MUC13: variants seen among roughly 807,000 people sequenced by gnomAD.
MUC13 encodes mucin 13, cell surface associated, also known as mucin-13.
In MUC13, 32 loss-of-function variants were observed where a neutral mutation model predicts 48.3. The ratio of observed to expected loss-of-function variants is 0.66; its 90% CI spans 0.50 to 0.89. The LOEUF (loss-of-function observed/expected upper bound fraction) is 0.89. Ranked by LOEUF, MUC13 falls within the 40% of genes least tolerant of loss-of-function variation. MUC13 has a pLI of 0.00. For synonymous variants in MUC13, 199 were observed against 224.9 expected (o/e 0.88, Z 1.03); for missense variants, 571 against 622.8 (o/e 0.92, Z 0.88).
chr3:124,933,640 C>T (rs1935832629), intron 1 of MUC13, among the ~76,000 whole-genome samples: 1 of 152,194 alleles, frequency 6.6e-6, no homozygotes, highest in African/African-American at 2.4e-5. Context: ...TCTTCCATAA[C>T]TTGTTTTACC....
At chr3:124,927,414 C>G in intron 2 of MUC13, 118 bp downstream of exon 2, 1 of 919,408 alleles carries the variant, frequency 1.1e-6, no homozygotes, top group Non-Finnish European at 1.7e-6. Context: ...AGTTCATTTC[C>G]AAAGAAACCT....
At chr3:124,928,884 T>C (rs1238515878) in intron 1 of MUC13, among the ~76,000 whole-genome samples, 1 of 152,208 alleles carries the variant, frequency 6.6e-6, no homozygotes, top group Non-Finnish European at 1.5e-5. Context: ...ATTTTTTCAT[T>C]ACCTTGATAG....
chr3:124,923,932 C>T (rs1396129678), intron 2 of MUC13, among the ~76,000 whole-genome samples: 2 of 152,190 alleles, frequency 1.3e-5, no homozygotes, highest in African/African-American at 4.8e-5. Context: ...TTGCAGTCTT[C>T]TGACTCCAAG....
chr3:124,931,339 G>A lies in MUC13; in HGVS notation c.52+3322C>T, dbSNP rs574664223. ...CCAACTACTTGGGAGGCTGAGACAG[G>A]AGAATTGGTTGAACCCAGGAGGCAG... On this transcript the variant is annotated intron_variant, in intron 1 of 11. Transcript: ENST00000616727. Among the ~76,000 whole-genome samples the A allele has an allele frequency of 1.8e-4, 28 of 151,528 alleles. 1 individual carries two copies. The highest frequency in any genetic ancestry group is 6.8e-4 in the African/African-American group (28 of 41,316).
chr3:124,933,113 G>A (rs1381765499), intron 1 of MUC13, among the ~76,000 whole-genome samples: 1 of 152,018 alleles, frequency 6.6e-6, no homozygotes, highest in Non-Finnish European at 1.5e-5. Context: ...CTCCCCTCCT[G>A]TGCAGCTAGC....
Position 124,922,287 on chromosome 3 carries a change from C to T in MUC13, c.654G>A (p.Gly218=). ...STCKKGKVFP[G]KISVTVSETF... is the part of the protein sequence containing the mutation. ...TTTCTGATACTGTCACTGAAATCTT[C>T]CCAGGGAATACCTTTCCTGAAAGTT... Residue 218 remains glycine (G), a synonymous_variant, in exon 4 of 12, where the codon GGG becomes GGA. Transcript: ENST00000616727. 1.2e-6 allele frequency: 2 copies of T among 1,613,862 alleles called. No homozygotes were observed. The highest frequency in any genetic ancestry group is 1.7e-6 in the Non-Finnish European group (2 of 1,179,916).
At chr3:124,908,824 C>T (rs1425342248) in intron 10 of MUC13, among the ~76,000 whole-genome samples, 1 of 152,156 alleles carries the variant, frequency 6.6e-6, no homozygotes, top group Non-Finnish European at 1.5e-5. Flanking sequence ...ATCTAAGAAT[C>T]ACGTTGGTGG....
Position 124,913,017 on chromosome 3 carries a change from C to T in MUC13, c.1214+94G>A, listed in dbSNP as rs533516625. The T allele has an allele frequency of 3.5e-5, 50 of 1,445,768 alleles. No individual in the cohort carries two copies. In the African/African-American group the frequency reaches 7.0e-4, roughly 20 times the overall value. 89.6% of individuals were successfully genotyped at this position (1,445,768 alleles called of 1,614,324 possible). On this transcript the variant is annotated intron_variant, in intron 8 of 11. Coordinates refer to ENST00000616727, the MANE Select transcript of MUC13 (RefSeq NM_033049.4). Reference sequence around the variant, plus strand: ...CTACCAACCTATGACAGCTTACCAGCTTCCTGACTCAACACCTATATACGT... The same window carrying T: ...CTACCAACCTATGACAGCTTACCAGTTTCCTGACTCAACACCTATATACGT...
intron 2 of MUC13, 124 bp from the exon 3 acceptor site, chr3:124,923,773 A>T: frequency 1.1e-6 from 1 of 899,962 alleles, no homozygotes; most frequent in South Asian, 1.7e-5. Flanking sequence ...GTGTTACTCC[A>T]CAGCACACTT....
At chr3:124,920,635 A>G (rs1935578689) in intron 4 of MUC13, among the ~76,000 whole-genome samples, 1 of 152,220 alleles carries the variant, frequency 6.6e-6, no homozygotes, top group South Asian at 2.1e-4. Context: ...CCTGACTGAG[A>G]TCAAGTATCT....
rs371403813 is a variant in MUC13, at chr3:124,910,485, G to C, written c.1267C>G (p.Leu423Val). 169 of 1,614,064 alleles carry C rather than the reference G, an allele frequency of 1.0e-4. No homozygotes were observed. The South Asian group carries it at 1.5e-3, about 14-fold the overall frequency. ...LDCKDKFQLI[L>V]TIVGTIAGIV... ...CCAGCGATGGTGCCCACAATAGTGAGGATCAGCTGAAATTCTGAAAGGAAG... is the reference window on the plus strand; with the variant it reads ...CCAGCGATGGTGCCCACAATAGTGACGATCAGCTGAAATTCTGAAAGGAAG... The change falls in exon 10 of 12, where the codon CTC (leucine) becomes GTC (valine). Residue 423 changes from leucine to valine, a missense_variant. Transcript: ENST00000616727.
intron 10 of MUC13, among the ~76,000 whole-genome samples, 173 bp from the exon 11 acceptor site, chr3:124,908,521 A>AT (rs1400952936): frequency 6.6e-6 from 1 of 152,218 alleles, no homozygotes; most frequent in Non-Finnish European, 1.5e-5. Flanking sequence ...AGATTCCCTA[A>AT]TTATTAACAT....
intron 1 of MUC13, among the ~76,000 whole-genome samples, chr3:124,929,190 T>G (rs1935750578): frequency 6.6e-6 from 1 of 151,606 alleles, no homozygotes; most frequent in Non-Finnish European, 1.5e-5. Flanking sequence ...ATTTTTTTTT[T>G]TTAGAGACAT....
At chr3:124,921,646 A>G (rs961530650) in intron 4 of MUC13, among the ~76,000 whole-genome samples, 2 of 152,156 alleles carry the variant, frequency 1.3e-5, no homozygotes, top group Non-Finnish European at 2.9e-5. Flanking sequence ...ATGGGAAACT[A>G]TTGTTCATGC....
Position 124,934,697 on chromosome 3 carries a change from G to T in MUC13, c.16C>A (p.His6Asn), listed in dbSNP as rs1269008026. 2.5e-6 allele frequency: 4 copies of T among 1,610,256 alleles called. No individual in the cohort carries two copies. The highest frequency in any genetic ancestry group is 3.4e-6 in the Non-Finnish European group (4 of 1,176,788). Residue 6 changes from histidine to asparagine, a missense_variant, in exon 1 of 12, where the codon CAT becomes AAT. Transcript: ENST00000616727. MKAII[H>N]LTLLALLSVN... ...GAAAGGAGAGCAAGAAGAGTAAGAT[G>T]AATGATGGCTTTCATTTTAGCTGTT...
rs1409921168 is a variant in MUC13 at position 124,906,458 on chromosome 3, C to T, written c.*285G>A. 1 of 152,224 alleles carries T rather than the reference C, an allele frequency of 6.6e-6. No homozygotes were observed. The highest frequency in any genetic ancestry group is 6.5e-5 in the Admixed American group (1 of 15,284). The allele number at this position is 152,224 out of a possible 1,614,324, so 9.4% of individuals were successfully genotyped here. On this transcript the variant is annotated 3_prime_UTR_variant, in exon 12 of 12. Coordinates refer to ENST00000616727, the MANE Select transcript of MUC13 (RefSeq NM_033049.4). The stretch of plus-strand genomic sequence containing the variant: ...AAAAGAATTAAGAAAACAACCCTAA[C>T]CATTGTCTCAGTACTTTGTACTGAT...
At chr3:124,920,327 AT>A (rs752773903) in intron 4 of MUC13, 38 bp from the exon 5 acceptor site, 127 of 1,512,758 alleles carry the variant, frequency 8.4e-5, no homozygotes, top group African/African-American at 2.4e-4. Flanking sequence ...AGTAAAAAAA[AT>A]TTTTTTTTCA....
chr3:124,913,370 A>G, intron 7 of MUC13, 130 bp from the exon 8 acceptor site: 1 of 1,448,286 alleles, frequency 6.9e-7, no homozygotes, highest in Non-Finnish European at 9.4e-7. Context: ...TTGACTCCAC[A>G]CATGATGTGC....
intron 6 of MUC13, 54 bp from the exon 7 acceptor site, chr3:124,913,735 T>A: frequency 6.2e-7 from 1 of 1,607,574 alleles, no homozygotes; most frequent in Non-Finnish European, 8.5e-7. Flanking sequence ...ATGGATAAGG[T>A]AATTTGTGAA....
Sources: gnomAD v4.1 joint callset for allele counts (sites outside exome capture counted in the v4.1 genomes callset) on GRCh38, gnomAD v4.1.1 for gene constraint, MANE v1.5 for transcripts, NCBI Gene and HGNC (gene_info 2026-07-23, HGNC 2026-07-21) for gene names.